FIRRM: variants seen among roughly 807,000 people sequenced by gnomAD.
FIRRM encodes the protein FIGNL1-interacting regulator of recombination and mitosis.
the FIRRM span, among the ~76,000 whole-genome samples, chr1:169,833,726 C>T: frequency 6.6e-6 from 1 of 152,062 alleles, no homozygotes; most frequent in South Asian, 2.1e-4. Flanking sequence ...CCTATTAGCC[C>T]TCTAAGAGCA....
the FIRRM span, chr1:169,851,037 T>C: frequency 7.0e-5 from 3 of 42,930 alleles, no homozygotes; most frequent in Admixed American, 3.1e-4. Flanking sequence ...CAGGGTAAGC[T>C]CAGGGCCCTT....
chr1:169,814,526 A>G, the FIRRM span, among the ~76,000 whole-genome samples: 2 of 152,194 alleles, frequency 1.3e-5, no homozygotes, highest in Non-Finnish European at 2.9e-5. Flanking sequence ...CAGTAAGTAA[A>G]TTGCTTTTCT....
the FIRRM span, among the ~76,000 whole-genome samples, chr1:169,819,728 G>A: frequency 3.9e-5 from 6 of 152,262 alleles, no homozygotes; most frequent in Admixed American, 1.3e-4. Context: ...GCCAAAGTGC[G>A]GATATTTCTG....
At chr1:169,853,905 AACTTAGAGCTCTAAC>A in the FIRRM span, 2,272 of 945,962 alleles carry the variant, frequency 2.4e-3, 38 homozygotes, top group African/African-American at 0.034. Context: ...TAAGTAAAAT[AACTTAGAGCTCTAAC>A]AGAAAGTTGA....
chr1:169,807,299 A>G, the FIRRM span, among the ~76,000 whole-genome samples: 1 of 152,196 alleles, frequency 6.6e-6, no homozygotes, highest in Admixed American at 6.5e-5. Context: ...CTTAAGAGTT[A>G]TATCTTCATG....
At chr1:169,809,780 T>G in the FIRRM span, among the ~76,000 whole-genome samples, 1 of 152,160 alleles carries the variant, frequency 6.6e-6, no homozygotes, top group African/African-American at 2.4e-5. Flanking sequence ...ATTTCTTCAA[T>G]CTTAACTCCA....
the FIRRM span, chr1:169,829,565 G>C: frequency 2.1e-6 from 2 of 949,142 alleles, no homozygotes; most frequent in Non-Finnish European, 3.0e-6. Context: ...CCTTTTGAGT[G>C]AAACTTAGTT....
the FIRRM span, among the ~76,000 whole-genome samples, chr1:169,845,326 A>T: frequency 6.6e-6 from 1 of 152,210 alleles, no homozygotes; most frequent in Non-Finnish European, 1.5e-5. Flanking sequence ...TTGGTAGTGG[A>T]GGGTCTTGCT....
chr1:169,800,485 G>A, the FIRRM span, among the ~76,000 whole-genome samples: 1 of 152,152 alleles, frequency 6.6e-6, no homozygotes, highest in Admixed American at 6.5e-5. Context: ...GATGAGAACA[G>A]TCTCATCTCA....
At chr1:169,827,455 T>C in the FIRRM span, among the ~76,000 whole-genome samples, 1 of 152,152 alleles carries the variant, frequency 6.6e-6, no homozygotes, top group Admixed American at 6.5e-5. Flanking sequence ...CTGACCAATA[T>C]GGTGAAACGC....
At chr1:169,802,335 A>G in the FIRRM span, among the ~76,000 whole-genome samples, 1 of 152,220 alleles carries the variant, frequency 6.6e-6, no homozygotes, top group Non-Finnish European at 1.5e-5. Flanking sequence ...TCTCTAAAAC[A>G]TGAACTTTGA....
At chr1:169,830,755 GA>G in the FIRRM span, 4 of 1,613,494 alleles carry the variant, frequency 2.5e-6, no homozygotes, top group Non-Finnish European at 3.4e-6. Context: ...CTGGTGCGTA[GA>G]ATTACAAGGC....
the FIRRM span, among the ~76,000 whole-genome samples, chr1:169,849,210 G>A: frequency 6.6e-6 from 1 of 152,182 alleles, no homozygotes; most frequent in Non-Finnish European, 1.5e-5. Context: ...GAAATGCAAA[G>A]CACTGGAGAT....
chr1:169,808,678 C>A, the FIRRM span, among the ~76,000 whole-genome samples: 2 of 150,482 alleles, frequency 1.3e-5, no homozygotes, highest in African/African-American at 4.9e-5. Flanking sequence ...GACCTTGGCT[C>A]ACTGCAGCCT....
At chr1:169,801,445 C>CAAAAAAA in the FIRRM span, among the ~76,000 whole-genome samples, 5 of 61,706 alleles carry the variant, frequency 8.1e-5, no homozygotes, top group East Asian at 4.2e-4. Flanking sequence ...TGCTCCGTCT[C>CAAAAAAA]AAAAAAAAAA....
At chr1:169,823,367 A>G in the FIRRM span, 6 of 1,296,054 alleles carry the variant, frequency 4.6e-6, no homozygotes, top group South Asian at 1.3e-5. Context: ...CTAAAGAGAC[A>G]TATTTTTATG....
the FIRRM span, among the ~76,000 whole-genome samples, chr1:169,826,451 C>T: frequency 6.6e-6 from 1 of 151,476 alleles, no homozygotes; most frequent in African/African-American, 2.4e-5. Flanking sequence ...CAACCTCTGC[C>T]TTCTGGTTTC....
the FIRRM span, chr1:169,850,285 A>G: frequency 2.7e-5 from 44 of 1,610,762 alleles, no homozygotes; most frequent in Non-Finnish European, 3.5e-5. Flanking sequence ...ATGAAGAGAT[A>G]GTTCCACAGT....
At chr1:169,835,075 A>G in the FIRRM span, among the ~76,000 whole-genome samples, 1 of 152,216 alleles carries the variant, frequency 6.6e-6, no homozygotes, top group East Asian at 1.9e-4. Context: ...AGCATATTAG[A>G]GAAAAAAGGA....
Sources: allele counts gnomAD v4.1 joint callset (sites outside exome capture counted in the v4.1 genomes callset), GRCh38; gene constraint gnomAD v4.1.1; transcripts MANE v1.5; gene names NCBI Gene and HGNC (gene_info 2026-07-23, HGNC 2026-07-21).